The following RPH3A variants were observed in gnomAD, a reference collection of about 807,000 sequenced individuals.
RPH3A encodes the protein rabphilin 3A, also known as rabphilin-3A.
RPH3A carries 48 observed loss-of-function variants against 102.2 expected under a neutral mutation model. The ratio of observed to expected loss-of-function variants is 0.47; its 90% CI spans 0.37 to 0.60. RPH3A has a LOEUF of 0.60. Among genes scored for constraint, RPH3A ranks in the 20% least tolerant of loss-of-function variants. The pLI is 0.00. For missense variants in RPH3A, 781 were observed against 910.1 expected (o/e 0.86, Z 1.83); for synonymous variants, 310 against 324.3 (o/e 0.96, Z 0.47).
chr12:112,578,433 C>CA (rs1427506367), intron 1 of RPH3A, among the ~76,000 whole-genome samples: 1 of 152,024 alleles, frequency 6.6e-6, no homozygotes, highest in East Asian at 1.9e-4. Context: ...CAAAACAAAA[C>CA]AAAAAACTTC....
At chr12:112,867,587 C>G (rs1021126660) in intron 7 of RPH3A, among the ~76,000 whole-genome samples, 9 of 152,096 alleles carry the variant, frequency 5.9e-5, no homozygotes, top group Non-Finnish European at 1.3e-4. Context: ...ACCCTAGCAC[C>G]AGCAAAAACA....
chr12:112,579,065 CT>C (rs1344967803), intron 1 of RPH3A, among the ~76,000 whole-genome samples: 2 of 152,160 alleles, frequency 1.3e-5, no homozygotes, highest in Non-Finnish European at 2.9e-5. Context: ...ACAGCACATA[CT>C]TTTTTTGTAT....
chr12:112,648,475 C>T (rs867010386), intron 1 of RPH3A, among the ~76,000 whole-genome samples: 8 of 147,896 alleles, frequency 5.4e-5, no homozygotes, highest in African/African-American at 7.5e-5. Context: ...GCTCACTCTC[C>T]GGGAATCCCA....
At chr12:112,703,244 ATG>A (rs1752276924) in intron 1 of RPH3A, among the ~76,000 whole-genome samples, 1 of 152,238 alleles carries the variant, frequency 6.6e-6, no homozygotes, top group African/African-American at 2.4e-5. Context: ...GTGGAGTCAG[ATG>A]TGTGAATAAT....
intron 1 of RPH3A, among the ~76,000 whole-genome samples, chr12:112,777,631 T>C (rs1441731262): frequency 6.6e-6 from 1 of 152,220 alleles, no homozygotes; most frequent in Non-Finnish European, 1.5e-5. Flanking sequence ...GCCATCTGCA[T>C]TTACTCAAGA....
chr12:112,773,275 C>G (rs1458156955), intron 1 of RPH3A, among the ~76,000 whole-genome samples: 2 of 152,014 alleles, frequency 1.3e-5, no homozygotes, highest in Non-Finnish European at 2.9e-5. Context: ...ATAACCCCAT[C>G]CCTTTTGTTG....
chr12:112,621,403 A>G (rs1365510066), intron 1 of RPH3A, among the ~76,000 whole-genome samples: 2 of 149,910 alleles, frequency 1.3e-5, no homozygotes, highest in African/African-American at 2.5e-5. Context: ...TGGGAAGCGC[A>G]AGGGGTCAGG....
intron 2 of RPH3A, among the ~76,000 whole-genome samples, chr12:112,798,053 G>GTGC (rs1256811032): frequency 1.3e-5 from 2 of 152,202 alleles, no homozygotes; most frequent in African/African-American, 4.8e-5. Flanking sequence ...GAAGGCAGCA[G>GTGC]TGCTGAGGGC....
rs1002510980 is a variant in RPH3A at position 112,656,757 on chromosome 12, C to G, written c.-140+81438C>G. 1.3e-5 allele frequency among the ~76,000 whole-genome samples: 2 copies of G among 151,970 alleles called. 1 individual carries two copies. ...TTGCTGCGAAAGACATGATTTCATA[C>G]TTTTTAATGGCCATATAGTATTCCA... On this transcript the variant is annotated intron_variant, in intron 1 of 21. Coordinates refer to the RPH3A transcript ENST00000543106.
intron 1 of RPH3A, among the ~76,000 whole-genome samples, chr12:112,606,308 T>C (rs2039596268): frequency 6.6e-6 from 1 of 152,232 alleles, no homozygotes; most frequent in African/African-American, 2.4e-5. Context: ...AGGGCAAGTA[T>C]ATTAGTCTAG....
intron 1 of RPH3A, among the ~76,000 whole-genome samples, chr12:112,727,390 CAAA>C (rs3037265): frequency 0.2 from 23,271 of 118,818 alleles, 3,446 homozygotes; most frequent in African/African-American, 0.39. Flanking sequence ...GACTCTGCCT[CAAA>C]AAAAAAAAAA....
At chr12:112,854,816 T>A (rs1387746513) in intron 5 of RPH3A, among the ~76,000 whole-genome samples, 1 of 152,256 alleles carries the variant, frequency 6.6e-6, no homozygotes, top group East Asian at 1.9e-4. Flanking sequence ...ACTTTGAACT[T>A]GAATCTGTCT....
At chr12:112,835,503 G>A (rs1208201799) in intron 3 of RPH3A, among the ~76,000 whole-genome samples, 2 of 152,084 alleles carry the variant, frequency 1.3e-5, no homozygotes, top group Non-Finnish European at 2.9e-5. Context: ...AGTGTTCCTC[G>A]GCTCCCATGA....
chr12:112,879,381 G>T (rs2042866157), intron 14 of RPH3A, among the ~76,000 whole-genome samples, 183 bp downstream of exon 14: 1 of 152,224 alleles, frequency 6.6e-6, no homozygotes, highest in South Asian at 2.1e-4. Flanking sequence ...CTCCTCCAGG[G>T]ATCGTCCCAG....
At chr12:112,841,488 T>C (rs1028784512) in intron 4 of RPH3A, among the ~76,000 whole-genome samples, 5 of 152,134 alleles carry the variant, frequency 3.3e-5, no homozygotes, top group South Asian at 2.1e-4. Flanking sequence ...CTCTGAACCT[T>C]GGTACACTCG....
intron 5 of RPH3A, among the ~76,000 whole-genome samples, chr12:112,848,276 G>A (rs142902043): frequency 9.1e-4 from 139 of 152,320 alleles, no homozygotes; most frequent in South Asian, 6.8e-3. Flanking sequence ...AGGTACAGCT[G>A]AGGGCAAGGT....
At position 112,890,844 on chromosome 12, in the gene RPH3A, T is replaced by A. The variant is rs2136267069; in HGVS notation, c.1621-5T>A. On this transcript the variant is annotated splice_polypyrimidine_tract_variant and splice_region_variant and intron_variant, in intron 18 of 21. Coordinates refer to ENST00000389385, the MANE Select transcript of RPH3A (RefSeq NM_001143854.2). ...AGGCCCACACTGCCTTTTCCCCCAA[T>A]GCAGCAGGTGGAGCGTGTTGGTGAC... is the stretch of plus-strand genomic sequence containing the variant. 6.2e-7 allele frequency: 1 copy of A among 1,612,912 alleles called. No homozygotes were observed.
intron 7 of RPH3A, among the ~76,000 whole-genome samples, chr12:112,867,050 C>A (rs182182603): frequency 6.6e-6 from 1 of 152,100 alleles, no homozygotes; most frequent in Non-Finnish European, 1.5e-5. Context: ...CTCTGTTCAT[C>A]GCCCTCTGGC....
At chr12:112,728,972 AT>A (rs1349671301) in intron 1 of RPH3A, among the ~76,000 whole-genome samples, 1 of 152,028 alleles carries the variant, frequency 6.6e-6, no homozygotes, top group Non-Finnish European at 1.5e-5. Flanking sequence ...TCTTCTGGTC[AT>A]TGTCATAGTG....
Sources: gnomAD v4.1 joint callset for allele counts (sites outside exome capture counted in the v4.1 genomes callset) on GRCh38, gnomAD v4.1.1 for gene constraint, MANE v1.5 for transcripts, NCBI Gene and HGNC (gene_info 2026-07-23, HGNC 2026-07-21) for gene names.